The following FKBP15 variants were observed in gnomAD, a reference collection of about 807,000 sequenced individuals.
FKBP15 encodes the protein FK506-binding protein 15.
Under a neutral mutation model 158.1 loss-of-function variants are expected in FKBP15, and 106 were observed. The ratio of observed to expected loss-of-function variants is 0.67; its 90% CI spans 0.57 to 0.79. The LOEUF (loss-of-function observed/expected upper bound fraction) is 0.79. Ranked by LOEUF, FKBP15 falls within the 30% of genes least tolerant of loss-of-function variation. FKBP15 has a pLI of 0.00. For missense variants in FKBP15, 1,287 were observed against 1,479.1 expected, an observed-to-expected ratio of 0.87 and a Z score of 2.13; for synonymous variants, 547 against 548.6, an observed-to-expected ratio of 1.00 and a Z score of 0.04.
At chr9:113,221,064 C>T in intron 1 of FKBP15, 127 bp downstream of exon 1, 2 of 1,009,926 alleles carry the variant, frequency 2.0e-6, no homozygotes, top group Admixed American at 2.5e-5. Context: ...AGGTGTAGAG[C>T]ACCGGAATGT....
chr9:113,194,374 A>C (rs1214365450), intron 9 of FKBP15, among the ~76,000 whole-genome samples: 1 of 151,990 alleles, frequency 6.6e-6, no homozygotes, highest in African/African-American at 2.4e-5. Context: ...TATGTAACTA[A>C]CCTGCACAAT....
chr9:113,195,114 G>C (rs755370656), intron 9 of FKBP15, among the ~76,000 whole-genome samples: 2 of 152,134 alleles, frequency 1.3e-5, no homozygotes, highest in Non-Finnish European at 2.9e-5. Flanking sequence ...GGAACGCTAA[G>C]CTTGTGGGAG....
intron 21 of FKBP15, 133 bp downstream of exon 21, chr9:113,176,404 T>C (rs1024195814): frequency 2.1e-6 from 2 of 966,926 alleles, no homozygotes; most frequent in African/African-American, 1.7e-5. Flanking sequence ...GCGGGGAAAA[T>C]TTTTTTTTAA....
intron 4 of FKBP15, 39 bp from the exon 5 acceptor site, chr9:113,203,074 A>C (rs1830825123): frequency 8.8e-6 from 12 of 1,360,840 alleles, no homozygotes; most frequent in Non-Finnish European, 1.1e-5. Flanking sequence ...AAAAAAAGAG[A>C]GACAGCAGAA....
intron 12 of FKBP15, among the ~76,000 whole-genome samples, chr9:113,189,298 A>C (rs1278349588): frequency 2.6e-5 from 4 of 152,212 alleles, no homozygotes; most frequent in Admixed American, 2.6e-4. Context: ...AGGAATTATA[A>C]TAAAATGATA....
chr9:113,178,595 G>T, intron 20 of FKBP15, 35 bp downstream of exon 20: 1 of 1,550,252 alleles, frequency 6.5e-7, no homozygotes, highest in South Asian at 1.2e-5. Flanking sequence ...GAGTTTAAAT[G>T]GCAACAATCC....
rs752830906 is a variant in FKBP15 at position 113,207,224 on chromosome 9, T to C, written c.242A>G (p.His81Arg). Residue 81 changes from histidine to arginine, a missense_variant, in exon 3 of 28, where the codon CAT (histidine) becomes CGT (arginine). Coordinates refer to ENST00000238256, the MANE Select transcript of FKBP15 (RefSeq NM_015258.2). ...CTCAGCGACTTACTATCGATATGCA[T>C]GGACTGCTGTTGCGACCAGTATTGT... ...TPTILVATAVHAYRYTNGQYV... is the reference protein window; with the variant it reads ...TPTILVATAVRAYRYTNGQYV... 8.1e-6 allele frequency: 13 copies of C among 1,612,820 alleles called. No homozygotes were observed. In the East Asian group the frequency reaches 2.5e-4, roughly 30 times the overall value.
At chr9:113,181,574 G>C (rs1174653907) in intron 19 of FKBP15, among the ~76,000 whole-genome samples, 1 of 152,130 alleles carries the variant, frequency 6.6e-6, no homozygotes, top group Non-Finnish European at 1.5e-5. Context: ...CTGGAGGTTC[G>C]GGATTTAAGA....
intron 6 of FKBP15, among the ~76,000 whole-genome samples, chr9:113,202,128 A>C (rs2118928593): frequency 6.6e-6 from 1 of 152,246 alleles, no homozygotes; most frequent in African/African-American, 2.4e-5. Context: ...TCCTAGGCTC[A>C]AGTGATCCAC....
intron 12 of FKBP15, 137 bp from the exon 13 acceptor site, chr9:113,188,628 A>G: frequency 1.5e-6 from 1 of 667,982 alleles, no homozygotes; most frequent in South Asian, 1.9e-5. Context: ...GCGGAAGGCC[A>G]AGAGTTGAGG....
chr9:113,215,624 GTA>G (rs58868565), intron 1 of FKBP15, among the ~76,000 whole-genome samples: 1,098 of 93,768 alleles, frequency 0.012, 34 homozygotes, highest in African/African-American at 0.031. Context: ...GTGTGTGTGT[GTA>G]TATATATATA....
At chr9:113,173,236 T>C (rs1030135771) in intron 23 of FKBP15, among the ~76,000 whole-genome samples, 11 of 152,224 alleles carry the variant, frequency 7.2e-5, no homozygotes, top group South Asian at 2.1e-4. Flanking sequence ...ATGGGAAACA[T>C]GTTCCGGAAC....
chr9:113,221,180 C>T lies in FKBP15; in HGVS notation c.53+11G>A. On this transcript the variant is annotated intron_variant, in intron 1 of 27. Coordinates refer to ENST00000238256, the MANE Select transcript of FKBP15 (RefSeq NM_015258.2). Reference sequence around the variant, plus strand: ...GCCACGCCCTCCAGCGCATACTTCTCAGTCACTCACCCGCCGCTCGGCGAG... The same window carrying T: ...GCCACGCCCTCCAGCGCATACTTCTTAGTCACTCACCCGCCGCTCGGCGAG... 1 of 1,603,606 alleles carries T rather than the reference C, an allele frequency of 6.2e-7. No individual in the cohort carries two copies. Among genetic ancestry groups the T allele is most frequent in the African/African-American group, 1.3e-5 (1 of 74,790 alleles).
At chr9:113,186,055 A>C (rs559414652) in intron 15 of FKBP15, among the ~76,000 whole-genome samples, 194 bp downstream of exon 15, 1 of 152,342 alleles carries the variant, frequency 6.6e-6, no homozygotes, top group South Asian at 2.1e-4. Flanking sequence ...AACTCTGCAA[A>C]TTTACTAAAA....
rs1201860250 is a variant in FKBP15, at chr9:113,212,488, C to T, written c.54-896G>A. 6.6e-5 allele frequency among the ~76,000 whole-genome samples: 10 copies of T among 152,320 alleles called. No homozygotes were observed. The East Asian group carries it at 1.2e-3, about 18-fold the overall frequency. The stretch of plus-strand genomic sequence containing the variant: ...ACAGGTGTGAGCCACCAGGCCCATC[C>T]GATCACCAACAACTTCTTTGCTACT... On this transcript the variant is annotated intron_variant, in intron 1 of 27. Coordinates refer to ENST00000238256, the MANE Select transcript of FKBP15 (RefSeq NM_015258.2).
chr9:113,202,474 T>G (rs983429965), intron 6 of FKBP15, 57 bp downstream of exon 6: 31 of 1,303,312 alleles, frequency 2.4e-5, no homozygotes, highest in African/African-American at 4.4e-5. Flanking sequence ...TCCCTAAAAT[T>G]AAGGGAAATC....
At position 113,220,184 on chromosome 9, in the gene FKBP15, T is replaced by C. The variant is rs147844764; in HGVS notation, c.53+1007A>G. ...CTTAAGGGCAGGCACAGCAGTTTAA[T>C]CATTTTTGTAACCTCTTAGCATTTA... On this transcript the variant is annotated intron_variant, in intron 1 of 27. Transcript: ENST00000238256. 4.6e-5 allele frequency among the ~76,000 whole-genome samples: 7 copies of C among 152,366 alleles called. No individual in the cohort carries two copies. The East Asian group carries it at 1.2e-3, about 25-fold the overall frequency.
chr9:113,162,978 T>C lies in FKBP15; in HGVS notation c.*3100A>G, dbSNP rs1343276272. On this transcript the variant is annotated 3_prime_UTR_variant, in exon 28 of 28. Coordinates refer to ENST00000238256, the MANE Select transcript of FKBP15 (RefSeq NM_015258.2). ...ACATGGAGCCCCCTCTTCCAGACAC[T>C]ATACTTCCAACTGCCCTTTCTTCTG... is the stretch of plus-strand genomic sequence containing the variant. 1 of 1,415,406 alleles carries C rather than the reference T, an allele frequency of 7.1e-7. No individual in the cohort carries two copies. The allele number at this position is 1,415,406 out of a possible 1,614,324, so 87.7% of individuals were successfully genotyped here. A position where few individuals can be genotyped will look rare whatever the true frequency, so the allele number is the denominator to read the frequency against.
At chr9:113,188,634 T>C (rs1830523687) in intron 12 of FKBP15, 143 bp from the exon 13 acceptor site, 1 of 645,472 alleles carries the variant, frequency 1.5e-6, no homozygotes, top group South Asian at 1.9e-5. Flanking sequence ...GGCCAAGAGT[T>C]GAGGGTGTGG....
Sources: gnomAD v4.1 joint callset for allele counts (sites outside exome capture counted in the v4.1 genomes callset) on GRCh38, gnomAD v4.1.1 for gene constraint, MANE v1.5 for transcripts, NCBI Gene and HGNC (gene_info 2026-07-23, HGNC 2026-07-21) for gene names.